The following FMN1 variants were observed in gnomAD, a reference collection of about 807,000 sequenced individuals.
FMN1 encodes the protein formin-1.
A neutral mutation model predicts 132.4 loss-of-function variants in FMN1; 110 were observed. That is an observed-to-expected ratio of 0.83 (90% confidence interval 0.71 to 0.97). FMN1 has a LOEUF of 0.97. Ranked by LOEUF, FMN1 falls within the 50% of genes least tolerant of loss-of-function variation. FMN1 has a pLI of 0.00. For missense variants in FMN1, 1,792 were observed against 1,705.3 expected (o/e 1.05, Z -0.90); for synonymous variants, 722 against 651.7 (o/e 1.11, Z -1.64).
intron 4 of FMN1, chr15:33,150,833 T>C (rs1964410847): frequency 2.0e-6 from 2 of 988,890 alleles, no homozygotes; most frequent in Non-Finnish European, 2.4e-6. Flanking sequence ...TTAATCTGGT[T>C]AATAGCTAAC....
intron 2 of FMN1, among the ~76,000 whole-genome samples, chr15:33,191,663 G>A (rs1332615743): frequency 6.6e-6 from 1 of 152,232 alleles, no homozygotes; most frequent in African/African-American, 2.4e-5. Context: ...TTTATGCGCT[G>A]ACAAGGTAAA....
At chr15:33,167,315 G>A (rs1490863416) in intron 3 of FMN1, among the ~76,000 whole-genome samples, 1 of 152,202 alleles carries the variant, frequency 6.6e-6, no homozygotes, top group Non-Finnish European at 1.5e-5. Context: ...TCTGTTGCCT[G>A]CTACCATGTA....
chr15:33,163,910 G>T (rs999036889), intron 3 of FMN1, among the ~76,000 whole-genome samples: 2 of 152,230 alleles, frequency 1.3e-5, no homozygotes, highest in East Asian at 1.9e-4. Flanking sequence ...AAGCCACTGC[G>T]CCTGGCCTGT....
intron 17 of FMN1, among the ~76,000 whole-genome samples, chr15:32,840,028 G>A (rs759547832): frequency 1.3e-5 from 2 of 152,148 alleles, no homozygotes; most frequent in Admixed American, 6.5e-5. Flanking sequence ...AACTAGCGTT[G>A]AACAAACCTA....
intron 6 of FMN1, among the ~76,000 whole-genome samples, chr15:33,016,555 G>A (rs1271493090): frequency 6.6e-6 from 1 of 151,170 alleles, no homozygotes; most frequent in Non-Finnish European, 1.5e-5. Flanking sequence ...AGGCAGTGAA[G>A]TAAAGAGAAA....
intron 5 of FMN1, 43 bp downstream of exon 5, chr15:33,088,756 G>A: frequency 6.8e-7 from 1 of 1,479,428 alleles, no homozygotes; most frequent in Non-Finnish European, 9.0e-7. Context: ...AGCCTCTGTT[G>A]ACCACAAAGA....
chr15:32,901,130 G>T (rs539876451), intron 13 of FMN1, among the ~76,000 whole-genome samples: 18 of 152,028 alleles, frequency 1.2e-4, no homozygotes, highest in East Asian at 7.7e-4. Context: ...CTCCAGCCTG[G>T]GCAAGAAGAA....
chr15:33,077,039 A>T (rs1422221582), intron 5 of FMN1, among the ~76,000 whole-genome samples: 7 of 152,218 alleles, frequency 4.6e-5, no homozygotes, highest in African/African-American at 1.7e-4. Flanking sequence ...CTATGATCCA[A>T]TTTTTTTGAG....
At chr15:33,121,701 G>C (rs531499144) in intron 4 of FMN1, among the ~76,000 whole-genome samples, 3 of 152,112 alleles carry the variant, frequency 2.0e-5, no homozygotes, top group South Asian at 4.2e-4. Flanking sequence ...GCTTCTTTTT[G>C]TATGTTTAGT....
In FMN1 at chr15:32,804,312, C is replaced by T; in HGVS notation, c.3949G>A (p.Glu1317Lys). 6.4e-7 allele frequency: 1 copy of T among 1,566,352 alleles called. No individual in the cohort carries two copies. The highest frequency in any genetic ancestry group is 8.7e-7 in the Non-Finnish European group (1 of 1,154,332). The change falls in exon 18 of 21, where the codon GAA becomes AAA. Residue 1317 changes from glutamate (E) to lysine (K), a missense_variant. Glu to Lys is a moderately conservative substitution (Grantham distance 56). Transcript: ENST00000616417. ...FQKAKKEHKM[E>K]ESHLENAQKS... ...TGTGCATTCTCCAAGTGACTTTCTT[C>T]CATCTTATGCTCTTTTTTGGCTGTA...
chr15:32,973,486 G>C (rs564733732), intron 7 of FMN1, among the ~76,000 whole-genome samples: 7 of 152,198 alleles, frequency 4.6e-5, no homozygotes, highest in African/African-American at 1.7e-4. Flanking sequence ...GGAAAACAAT[G>C]AATTTCCATG....
chr15:32,928,138 T>C (rs2061009618), intron 9 of FMN1, among the ~76,000 whole-genome samples: 3 of 152,256 alleles, frequency 2.0e-5, no homozygotes, highest in Admixed American at 1.3e-4. Context: ...CATATAACGA[T>C]TAGACCTAAA....
rs977602902 is a variant in FMN1, at chr15:32,899,447, T to C, written c.3654+532A>G. On this transcript the variant is annotated intron_variant, in intron 14 of 20. Coordinates refer to ENST00000616417, the MANE Select transcript of FMN1 (RefSeq NM_001277313.2). ...TGTGTTTCCCCTCCCTGCACCCCCC[T>C]GCCCCCCATGGGACGCCTAGCTATG... Among the ~76,000 whole-genome samples the C allele has an allele frequency of 1.4e-4, 21 of 152,308 alleles. No homozygotes were observed. The East Asian group carries it at 1.9e-3, about 14-fold the overall frequency.
At chr15:33,007,984 A>G in intron 7 of FMN1, 30 bp downstream of exon 7, 1 of 1,570,090 alleles carries the variant, frequency 6.4e-7, no homozygotes, top group Non-Finnish European at 8.7e-7. Context: ...AGTTCTATAG[A>G]ACCCGTTCAG....
At chr15:32,936,979 C>T (rs2061290783) in intron 9 of FMN1, among the ~76,000 whole-genome samples, 1 of 152,116 alleles carries the variant, frequency 6.6e-6, no homozygotes, top group Non-Finnish European at 1.5e-5. Flanking sequence ...GTCCCATCAG[C>T]ACTCCAAGTC....
rs1193106458 is a variant in FMN1 at position 32,766,540 on chromosome 15, C to CG, written c.*7769_*7770insC. ...AGGCCTAGAATAAGAACCCCCCCCC[C>CG]ACCCCGCCCAATCTTCTTAAAATAA... is the stretch of plus-strand genomic sequence containing the variant. On this transcript the variant is annotated 3_prime_UTR_variant, in exon 21 of 21. Coordinates refer to ENST00000616417, the MANE Select transcript of FMN1 (RefSeq NM_001277313.2). The CG allele has an allele frequency of 2.9e-5, 3 of 105,030 alleles. No homozygotes were observed. Among genetic ancestry groups the CG allele is most frequent in the African/African-American group, 1.0e-4 (3 of 29,376 alleles). 6.5% of individuals were successfully genotyped at this position (105,030 alleles called of 1,614,324 possible).
At chr15:33,191,989 A>T (rs568928091) in intron 2 of FMN1, among the ~76,000 whole-genome samples, 1 of 152,248 alleles carries the variant, frequency 6.6e-6, no homozygotes, top group East Asian at 1.9e-4. Context: ...TACTCTTAAA[A>T]CCAGGTCCCA....
At chr15:32,953,766 C>T (rs1261759076) in intron 9 of FMN1, among the ~76,000 whole-genome samples, 2 of 152,162 alleles carry the variant, frequency 1.3e-5, no homozygotes, top group African/African-American at 4.8e-5. Context: ...CCACTGGCTG[C>T]TGCCGCCAAA....
chr15:33,100,288 T>G lies in FMN1; in HGVS notation c.1868-11314A>C, dbSNP rs543349639. Among the ~76,000 whole-genome samples, 4 of 150,372 alleles carry G rather than the reference T, an allele frequency of 2.7e-5. No homozygotes were observed. In the South Asian group the frequency reaches 8.4e-4, roughly 32 times the overall value. On this transcript the variant is annotated intron_variant, in intron 4 of 20. Transcript: ENST00000616417. ...ACATTTGGAAAAATAATATAGTATA[T>G]GAATGCCTCAATAAATGAATGTCCT...
Sources: gnomAD v4.1 joint callset for allele counts (sites outside exome capture counted in the v4.1 genomes callset) on GRCh38, gnomAD v4.1.1 for gene constraint, MANE v1.5 for transcripts, NCBI Gene and HGNC (gene_info 2026-07-23, HGNC 2026-07-21) for gene names.